The following CNOT11 variants were observed in gnomAD, a reference collection of about 807,000 sequenced individuals.
The protein encoded by CNOT11 is CCR4-NOT transcription complex subunit 11, also known as UPF0760 protein C2orf29.
Under a neutral mutation model 44.6 loss-of-function variants are expected in CNOT11, and 18 were observed. The ratio of observed to expected loss-of-function variants is 0.40; its 90% CI spans 0.28 to 0.60. The LOEUF is 0.60. CNOT11 is among the 20% of genes least tolerant of loss of function. The pLI is 0.38. For synonymous variants in CNOT11, 291 were observed against 270.9 expected (o/e 1.07, Z -0.73); for missense variants, 513 against 677.0 (o/e 0.76, Z 2.69).
intron 1 of CNOT11, among the ~76,000 whole-genome samples, chr2:101,256,990 A>C (rs1486082984): frequency 1.3e-5 from 2 of 152,008 alleles, no homozygotes; most frequent in Non-Finnish European, 2.9e-5. Flanking sequence ...CAGAGCTTGC[A>C]GTGAGCCGAG....
intron 2 of CNOT11, among the ~76,000 whole-genome samples, chr2:101,261,146 G>A (rs894724609): frequency 1.6e-4 from 25 of 152,162 alleles, no homozygotes; most frequent in African/African-American, 5.8e-4. Context: ...GGAGCAACCT[G>A]CCATCCAAGT....
At chr2:101,267,455 GTCT>G (rs1313147935) in intron 5 of CNOT11, among the ~76,000 whole-genome samples, 8 of 151,916 alleles carry the variant, frequency 5.3e-5, no homozygotes, top group African/African-American at 9.7e-5. Flanking sequence ...ACATAGTCCT[GTCT>G]TCTTTATCCC....
intron 2 of CNOT11, among the ~76,000 whole-genome samples, chr2:101,261,414 G>A (rs1681859179): frequency 6.6e-6 from 1 of 152,184 alleles, no homozygotes; most frequent in East Asian, 1.9e-4. Context: ...CTTCATTGCT[G>A]CTGTGGTACC....
chr2:101,253,556 C>G lies in CNOT11; in HGVS notation c.514+78C>G, dbSNP rs1020670837. On this transcript the variant is annotated intron_variant, in intron 1 of 6. Transcript: ENST00000289382. The surrounding 1 kb of genome is among the most constrained non-coding windows in gnomAD (Gnocchi z 4.3). ...TCCACCTGCGCTGCTGGGAACTCACCTGAAAGGGAAATTAACTATCCCTGT... is the reference window on the plus strand; with the variant it reads ...TCCACCTGCGCTGCTGGGAACTCACGTGAAAGGGAAATTAACTATCCCTGT... The G allele has an allele frequency of 7.3e-6, 9 of 1,238,390 alleles. No individual in the cohort carries two copies. In the African/African-American group the frequency reaches 1.3e-4, roughly 18 times the overall value. The allele number at this position is 1,238,390 out of a possible 1,614,324, so 76.7% of individuals were successfully genotyped here. A position where few individuals can be genotyped will look rare whatever the true frequency, so the allele number is the denominator to read the frequency against.
intron 4 of CNOT11, 114 bp downstream of exon 4, chr2:101,265,161 C>G: frequency 3.1e-6 from 2 of 642,862 alleles, no homozygotes; most frequent in Non-Finnish European, 4.9e-6. Flanking sequence ...AGTGCAGTGG[C>G]ACGATCTCGG....
At position 101,252,982 on chromosome 2, in the gene CNOT11, G is replaced by T; in HGVS notation, c.18G>T (p.Ala6=). 1 of 1,488,776 alleles carries T rather than the reference G, an allele frequency of 6.7e-7. No homozygotes were observed. Among genetic ancestry groups the T allele is most frequent in the South Asian group, 1.3e-5 (1 of 79,126 alleles). 92.2% of individuals were successfully genotyped at this position (1,488,776 alleles called of 1,614,324 possible). A position where few individuals can be genotyped will look rare whatever the true frequency, so the allele number is the denominator to read the frequency against. The part of the protein sequence containing the change: MPGGG[A]SAASGRLLTA... Reference sequence around the variant, plus strand: ...CGAGGTTGATGCCCGGCGGAGGGGCGAGCGCGGCGTCTGGCCGGCTTCTCA... The same window carrying T: ...CGAGGTTGATGCCCGGCGGAGGGGCTAGCGCGGCGTCTGGCCGGCTTCTCA... Residue 6 remains alanine (A), a synonymous_variant, in exon 1 of 7, where the codon GCG becomes GCT. Transcript: ENST00000289382.
At chr2:101,258,455 T>C (rs1033105374) in intron 2 of CNOT11, among the ~76,000 whole-genome samples, 2 of 151,892 alleles carry the variant, frequency 1.3e-5, no homozygotes, top group Middle Eastern at 3.4e-3. Flanking sequence ...CTTTAAATTT[T>C]TGGATGCTAA....
At position 101,257,972 on chromosome 2, in the gene CNOT11, G is replaced by C; in HGVS notation, c.679+17G>C. Reference sequence around the variant, plus strand: ...CCTTGGCCGGTAAGGAGGAATCAGTGTTTTGGGCATTTCTGTGTGGTAATA... The same window carrying C: ...CCTTGGCCGGTAAGGAGGAATCAGTCTTTTGGGCATTTCTGTGTGGTAATA... On this transcript the variant is annotated intron_variant, in intron 2 of 6. Coordinates refer to ENST00000289382, the MANE Select transcript of CNOT11 (RefSeq NM_017546.5). 6.2e-7 allele frequency: 1 copy of C among 1,604,342 alleles called. No individual in the cohort carries two copies. Among genetic ancestry groups the C allele is most frequent in the Non-Finnish European group, 8.5e-7 (1 of 1,174,482 alleles).
intron 1 of CNOT11, among the ~76,000 whole-genome samples, chr2:101,256,814 C>T (rs187933574): frequency 3.2e-4 from 48 of 150,528 alleles, no homozygotes; most frequent in East Asian, 3.0e-3. Context: ...TTTGGGAGGC[C>T]GAGGTGGGTG....
intron 5 of CNOT11, 123 bp downstream of exon 5, chr2:101,267,002 T>C (rs1230624780): frequency 7.3e-6 from 5 of 688,146 alleles, no homozygotes; most frequent in East Asian, 5.4e-5. Flanking sequence ...AAAGAAATAA[T>C]GTAAGCCTTA....
chr2:101,258,422 T>C (rs1449175112), intron 2 of CNOT11, among the ~76,000 whole-genome samples: 1 of 151,248 alleles, frequency 6.6e-6, no homozygotes, highest in Non-Finnish European at 1.5e-5. Flanking sequence ...AATAAATAAA[T>C]AAATAAATAA....
chr2:101,256,407 G>C (rs2104361515), intron 1 of CNOT11, among the ~76,000 whole-genome samples: 1 of 152,150 alleles, frequency 6.6e-6, no homozygotes, highest in East Asian at 1.9e-4. Context: ...CTGGGAGCTG[G>C]GGAAGTCAGT....
At chr2:101,259,440 G>A (rs1681803065) in intron 2 of CNOT11, among the ~76,000 whole-genome samples, 1 of 152,150 alleles carries the variant, frequency 6.6e-6, no homozygotes, top group African/African-American at 2.4e-5. Context: ...AATAGGAGAA[G>A]GAGAACTGGT....
intron 2 of CNOT11, 84 bp from the exon 3 acceptor site, chr2:101,262,455 T>A: frequency 4.7e-6 from 6 of 1,275,906 alleles, no homozygotes; most frequent in Non-Finnish European, 6.8e-6. Context: ...TTTTTCTCTG[T>A]TACAGATAGC....
intron 4 of CNOT11, among the ~76,000 whole-genome samples, chr2:101,266,180 C>G (rs1235866017): frequency 6.6e-6 from 1 of 152,204 alleles, no homozygotes; most frequent in East Asian, 1.9e-4. Context: ...AGACTGATGA[C>G]TCGCAGCAGG....
chr2:101,258,303 CAGG>C (rs1023087393), intron 2 of CNOT11, among the ~76,000 whole-genome samples: 5 of 151,996 alleles, frequency 3.3e-5, no homozygotes, highest in Admixed American at 1.3e-4. Context: ...GAGGCTGAGA[CAGG>C]AGAATAGCTT....
chr2:101,254,498 G>A (rs1681695892), intron 1 of CNOT11, among the ~76,000 whole-genome samples: 1 of 152,156 alleles, frequency 6.6e-6, no homozygotes, highest in Non-Finnish European at 1.5e-5. Context: ...GTATTGGCCT[G>A]AGATGCCTTT....
At chr2:101,265,518 T>G (rs13015194) in intron 4 of CNOT11, among the ~76,000 whole-genome samples, 26,897 of 152,190 alleles carry the variant, frequency 0.18, 2,903 homozygotes, top group Non-Finnish European at 0.25. Context: ...TTTGGGTCTC[T>G]GAAGCTTTGT....
intron 2 of CNOT11, among the ~76,000 whole-genome samples, chr2:101,260,644 A>G (rs1417802889): frequency 6.6e-6 from 1 of 152,214 alleles, no homozygotes; most frequent in Admixed American, 6.5e-5. Context: ...TTTTTGGATG[A>G]TGCAGTTTGT....
Sources: gnomAD v4.1 joint callset for allele counts (sites outside exome capture counted in the v4.1 genomes callset) on GRCh38, gnomAD v4.1.1 for gene constraint, Gnocchi (gnomAD v3.1) non-coding constraint, MANE v1.5 for transcripts, NCBI Gene and HGNC (gene_info 2026-07-23, HGNC 2026-07-21) for gene names.